The following DAB1 variants were observed in gnomAD, a reference collection of about 807,000 sequenced individuals.
DAB1 encodes DAB adaptor protein 1, also known as disabled homolog 1.
A neutral mutation model predicts 64.6 loss-of-function variants in DAB1; 15 were observed. The ratio of observed to expected loss-of-function variants is 0.23; its 90% CI spans 0.16 to 0.36. The LOEUF (loss-of-function observed/expected upper bound fraction) is 0.36. Among genes scored for constraint, DAB1 ranks in the 10% least tolerant of loss-of-function variants. DAB1 has a pLI of 1.00. For missense variants in DAB1, 596 were observed against 706.7 expected (o/e 0.84, Z 1.78); for synonymous variants, 235 against 251.9 (o/e 0.93, Z 0.64).
intron 2 of DAB1, among the ~76,000 whole-genome samples, chr1:57,177,884 A>C (rs1662496416): frequency 6.6e-6 from 1 of 152,174 alleles, no homozygotes; most frequent in Non-Finnish European, 1.5e-5. Context: ...TATAGGCATA[A>C]AGTAAACTTT....
At chr1:58,348,366 C>T (rs192801028) in intron 3 of DAB1, among the ~76,000 whole-genome samples, 1 of 152,128 alleles carries the variant, frequency 6.6e-6, no homozygotes, top group African/African-American at 2.4e-5. Context: ...AGTAAAGAGA[C>T]CAGTAAAACA....
intron 7 of DAB1, among the ~76,000 whole-genome samples, chr1:57,648,333 C>T (rs943433192): frequency 2.6e-5 from 4 of 152,142 alleles, no homozygotes; most frequent in African/African-American, 7.2e-5. Flanking sequence ...CCCCATTTCT[C>T]ATTGAACTCT....
chr1:58,213,854 C>T (rs1658697483), intron 4 of DAB1, among the ~76,000 whole-genome samples: 1 of 152,156 alleles, frequency 6.6e-6, no homozygotes, highest in Non-Finnish European at 1.5e-5. Flanking sequence ...CTACTTGTTT[C>T]CCATGCCTGC....
chr1:57,827,436 C>T (rs747360090), intron 1 of DAB1, among the ~76,000 whole-genome samples: 1 of 152,212 alleles, frequency 6.6e-6, no homozygotes, highest in Non-Finnish European at 1.5e-5. Flanking sequence ...CTTAGCCATT[C>T]TGTGACCTTG....
chr1:57,538,915 C>A (rs946422552), intron 7 of DAB1, among the ~76,000 whole-genome samples: 1 of 152,198 alleles, frequency 6.6e-6, no homozygotes, highest in African/African-American at 2.4e-5. Context: ...CATGTGCAGG[C>A]AATGAGTTGC....
chr1:58,086,014 A>AGTGCAGTG (rs1197412827), intron 5 of DAB1, among the ~76,000 whole-genome samples: 1 of 123,354 alleles, frequency 8.1e-6, no homozygotes, highest in Non-Finnish European at 1.6e-5. Flanking sequence ...CCCAGGCTGG[A>AGTGCAGTG]GTGCAGTGGC....
intron 5 of DAB1, among the ~76,000 whole-genome samples, chr1:58,115,681 C>A (rs1178723914): frequency 1.4e-5 from 1 of 72,616 alleles, no homozygotes; most frequent in Middle Eastern, 4.3e-3. Context: ...AGTTCATATC[C>A]TTTGTAGGGA....
chr1:57,596,046 T>C (rs1645505172), intron 7 of DAB1, among the ~76,000 whole-genome samples: 1 of 152,228 alleles, frequency 6.6e-6, no homozygotes, highest in African/African-American at 2.4e-5. Context: ...TATTTGTTGT[T>C]TTTTTCTATG....
At chr1:58,322,083 T>C (rs969720100) in intron 4 of DAB1, among the ~76,000 whole-genome samples, 1 of 152,086 alleles carries the variant, frequency 6.6e-6, no homozygotes, top group Admixed American at 6.6e-5. Flanking sequence ...TTATACAAAA[T>C]TTAATTCAAG....
chr1:58,067,511 T>C (rs569085368), intron 5 of DAB1, among the ~76,000 whole-genome samples: 1 of 152,320 alleles, frequency 6.6e-6, no homozygotes, highest in Admixed American at 6.5e-5. Flanking sequence ...TAGCAGCCCA[T>C]CAGTAATTGG....
chr1:57,173,374 C>T (rs1229175747), intron 2 of DAB1, among the ~76,000 whole-genome samples: 1 of 152,156 alleles, frequency 6.6e-6, no homozygotes, highest in East Asian at 1.9e-4. Flanking sequence ...GTAGTCAAAA[C>T]ATAGTCAAAA....
chr1:58,494,288 A>C (rs1289659023), intron 3 of DAB1, among the ~76,000 whole-genome samples: 2 of 152,102 alleles, frequency 1.3e-5, no homozygotes, highest in Admixed American at 1.3e-4. Context: ...TAAAGACTTA[A>C]ATGTTAGACC....
intron 3 of DAB1, among the ~76,000 whole-genome samples, chr1:58,375,416 T>C (rs1644313903): frequency 7.4e-6 from 1 of 134,580 alleles, no homozygotes; most frequent in Non-Finnish European, 1.6e-5. Context: ...GTCAAAGGCT[T>C]TTTCTGCATC....
rs72914836 is a variant in DAB1 at position 57,556,001 on chromosome 1, G to C, written n.625+93591C>G. 7.6e-3 allele frequency among the ~76,000 whole-genome samples: 1,158 copies of C among 152,056 alleles called. 17 individuals carry two copies. The highest frequency in any genetic ancestry group is 0.027 in the African/African-American group (1,123 of 41,466). On this transcript the variant is annotated intron_variant and non_coding_transcript_variant, in intron 7 of 20. Transcript: ENST00000485760. ...TTGTGTCACAATATCTTGGTTTCAG[G>C]TCCTAAACTTTTATTTAGGCAGCAG...
intron 4 of DAB1, among the ~76,000 whole-genome samples, chr1:57,098,681 A>T (rs150649169): frequency 1.3e-5 from 2 of 152,268 alleles, no homozygotes; most frequent in African/African-American, 2.4e-5. Flanking sequence ...AAAGATTACA[A>T]TTTAGGGATT....
intron 5 of DAB1, among the ~76,000 whole-genome samples, chr1:57,955,872 G>T (rs1194703618): frequency 1.3e-5 from 2 of 152,180 alleles, no homozygotes; most frequent in South Asian, 2.1e-4. Context: ...TAATTATATG[G>T]TATATACTGG....
intron 5 of DAB1, among the ~76,000 whole-genome samples, chr1:58,004,164 G>T (rs886434982): frequency 2.0e-5 from 3 of 152,114 alleles, no homozygotes; most frequent in African/African-American, 7.2e-5. Flanking sequence ...TTTCTGAAAG[G>T]CTCTCTCACT....
chr1:58,332,867 C>T (rs1663005820), intron 4 of DAB1, among the ~76,000 whole-genome samples: 1 of 151,940 alleles, frequency 6.6e-6, no homozygotes, highest in African/African-American at 2.4e-5. Context: ...AATATGGGAT[C>T]CTAAATCTGT....
In DAB1 at chr1:57,152,377, A is replaced by C. The variant is rs568404355; in HGVS notation, c.68-6948T>G. ...GCCAACAACTAATAGGGAATGCTTT[A>C]TCTGGGATCTCAATCCAAGGCTCTT... On this transcript the variant is annotated intron_variant, in intron 2 of 14. Transcript: ENST00000371236. Among the ~76,000 whole-genome samples the C allele has an allele frequency of 7.9e-5, 12 of 152,334 alleles. No individual in the cohort carries two copies. In the South Asian group the frequency reaches 2.5e-3, roughly 32 times the overall value.
Sources: gnomAD v4.1 joint callset for allele counts (sites outside exome capture counted in the v4.1 genomes callset) on GRCh38, gnomAD v4.1.1 for gene constraint, MANE v1.5 for transcripts, NCBI Gene and HGNC (gene_info 2026-07-23, HGNC 2026-07-21) for gene names.